SLCO1A2: variants seen among roughly 807,000 people sequenced by gnomAD.
SLCO1A2 encodes the protein OATP-1.
Under a neutral mutation model 69.0 loss-of-function variants are expected in SLCO1A2, and 67 were observed. That is an observed-to-expected ratio of 0.97 (90% CI 0.80 to 1.19). The LOEUF (loss-of-function observed/expected upper bound fraction) is 1.19. SLCO1A2 is among the 50% of genes most tolerant of loss of function. The pLI is 0.00. For missense variants in SLCO1A2, 787 were observed against 793.7 expected, an observed-to-expected ratio of 0.99 and a Z score of 0.10; for synonymous variants, 260 against 265.9, an observed-to-expected ratio of 0.98 and a Z score of 0.22.
At chr12:21,395,787 C>T (rs552354297), upstream of SLCO1A2, among the ~76,000 whole-genome samples, 492 of 152,236 alleles carry the variant, frequency 3.2e-3, 3 homozygotes, top group African/African-American at 5.5e-3. Context: ...CGGCAGGGTA[C>T]TCCAACAGAC....
intron 2 of SLCO1A2, among the ~76,000 whole-genome samples, chr12:21,350,338 A>AG (rs1555122475): frequency 1.3e-5 from 2 of 152,050 alleles, no homozygotes; most frequent in Non-Finnish European, 2.9e-5. Flanking sequence ...ACAAAAAAAA[A>AG]GAGAGAAAAA....
chr12:21,298,491 T>C (rs571471520), intron 8 of SLCO1A2, among the ~76,000 whole-genome samples: 2 of 152,336 alleles, frequency 1.3e-5, no homozygotes, highest in South Asian at 2.1e-4. Flanking sequence ...GTTTGCTTAA[T>C]AAACTGCTCA....
upstream of SLCO1A2, chr12:21,419,620 C>CG (rs2137217847): frequency 6.0e-6 from 1 of 167,438 alleles, no homozygotes; most frequent in African/African-American, 2.4e-5. Context: ...GATCAATCTG[C>CG]AAGGCGGCAA....
At chr12:21,386,336 T>A (rs1156466077) in intron 1 of SLCO1A2, among the ~76,000 whole-genome samples, 1 of 152,168 alleles carries the variant, frequency 6.6e-6, no homozygotes, top group Non-Finnish European at 1.5e-5. Context: ...AAAAAGCCCT[T>A]AGCATATAAC....
intron 8 of SLCO1A2, among the ~76,000 whole-genome samples, chr12:21,298,148 A>G (rs745928726): frequency 2.6e-5 from 4 of 152,152 alleles, no homozygotes; most frequent in Non-Finnish European, 4.4e-5. Context: ...GGTTCTCAGC[A>G]AGATCTACCT....
intron 1 of SLCO1A2, among the ~76,000 whole-genome samples, chr12:21,411,060 T>C (rs1338798131): frequency 2.0e-5 from 3 of 152,174 alleles, no homozygotes; most frequent in Admixed American, 6.5e-5. Context: ...TGGCTTTTGA[T>C]AAACAAAAAT....
intron 2 of SLCO1A2, among the ~76,000 whole-genome samples, chr12:21,359,107 A>C (rs1241350269): frequency 6.6e-6 from 1 of 152,192 alleles, no homozygotes; most frequent in Non-Finnish European, 1.5e-5. Flanking sequence ...AAAACTCAGA[A>C]GCAAGGCCAT....
intron 3 of SLCO1A2, among the ~76,000 whole-genome samples, chr12:21,317,813 G>C (rs1951069467): frequency 1.3e-5 from 2 of 152,172 alleles, no homozygotes. Flanking sequence ...CTAGAAAGGA[G>C]TGACACTTAT....
At chr12:21,304,386 T>C (rs1949093029) in intron 6 of SLCO1A2, 41 bp downstream of exon 6, 3 of 1,497,342 alleles carry the variant, frequency 2.0e-6, no homozygotes, top group Non-Finnish European at 2.8e-6. Context: ...TCAAGGAACA[T>C]ATTGCCCTGA....
chr12:21,344,711 A>G, intron 2 of SLCO1A2, among the ~76,000 whole-genome samples: 1 of 151,080 alleles, frequency 6.6e-6, no homozygotes, highest in African/African-American at 2.5e-5. Flanking sequence ...AAGGAAACAT[A>G]TGAATTAAAG....
intron 2 of SLCO1A2, among the ~76,000 whole-genome samples, chr12:21,355,609 T>A (rs1938306221): frequency 6.6e-6 from 1 of 152,140 alleles, no homozygotes; most frequent in Admixed American, 6.6e-5. Flanking sequence ...TCCTAGATGT[T>A]AGGGAATTCT....
intron 2 of SLCO1A2, among the ~76,000 whole-genome samples, chr12:21,360,354 A>T (rs182550524): frequency 6.6e-6 from 1 of 152,354 alleles, no homozygotes; most frequent in African/African-American, 2.4e-5. Context: ...ACACCAATAT[A>T]AAAATAAATA....
intron 2 of SLCO1A2, among the ~76,000 whole-genome samples, chr12:21,350,267 G>GA (rs1937829101): frequency 6.7e-6 from 1 of 150,072 alleles, no homozygotes; most frequent in East Asian, 2.0e-4. Context: ...AGAATAACAA[G>GA]AAAAAAATTG....
At chr12:21,273,523 GACTA>G (rs1185079236) in intron 14 of SLCO1A2, among the ~76,000 whole-genome samples, 1 of 152,136 alleles carries the variant, frequency 6.6e-6, no homozygotes, top group Non-Finnish European at 1.5e-5. Flanking sequence ...TAATTGGTCT[GACTA>G]ACAGAGAATG....
intron 1 of SLCO1A2, among the ~76,000 whole-genome samples, chr12:21,409,410 A>G (rs947925211): frequency 6.6e-6 from 1 of 152,204 alleles, no homozygotes; most frequent in Non-Finnish European, 1.5e-5. Context: ...ACTGGAACAC[A>G]GCCACGTTCA....
chr12:21,309,008 G>C (rs1949775983), intron 4 of SLCO1A2, among the ~76,000 whole-genome samples: 1 of 152,162 alleles, frequency 6.6e-6, no homozygotes, highest in Admixed American at 6.5e-5. Flanking sequence ...ATTTAGATGG[G>C]AAGAGATAAT....
chr12:21,281,897 C>T (rs536977817), intron 12 of SLCO1A2, among the ~76,000 whole-genome samples: 1 of 152,036 alleles, frequency 6.6e-6, no homozygotes, highest in South Asian at 2.1e-4. Flanking sequence ...AAATCCAAAA[C>T]CTGAACAGAT....
At chr12:21,356,101 A>T (rs1177051343) in intron 2 of SLCO1A2, among the ~76,000 whole-genome samples, 1 of 152,084 alleles carries the variant, frequency 6.6e-6, no homozygotes, top group Non-Finnish European at 1.5e-5. Context: ...AATCAGAATA[A>T]ATTTGAATCA....
rs540534339 is a variant in SLCO1A2, at chr12:21,266,005, A to T, written c.*3543T>A. 1.3e-5 allele frequency: 2 copies of T among 152,238 alleles called. No individual in the cohort carries two copies. Among genetic ancestry groups the T allele is most frequent in the South Asian group, 4.1e-4 (2 of 4,826 alleles). 9.4% of individuals were successfully genotyped at this position (152,238 alleles called of 1,614,324 possible). On this transcript the variant is annotated 3_prime_UTR_variant, in exon 15 of 15. Coordinates refer to ENST00000683939, the MANE Select transcript of SLCO1A2 (RefSeq NM_001386879.1). ...TTTTTAGATGGTGAACGTTCAGTCA[A>T]TGTATGATTTATGCCAGGAGAAGTG...
Sources: gnomAD v4.1 joint callset for allele counts (sites outside exome capture counted in the v4.1 genomes callset) on GRCh38, gnomAD v4.1.1 for gene constraint, MANE v1.5 for transcripts, NCBI Gene and HGNC (gene_info 2026-07-23, HGNC 2026-07-21) for gene names.